Variants in AKAP5 observed in about 807,000 individuals in gnomAD.
The protein encoded by AKAP5 is A-kinase anchor protein 5.
Under a neutral mutation model 13.8 loss-of-function variants are expected in AKAP5, and 5 were observed. That is an observed-to-expected ratio of 0.36 (90% CI 0.19 to 0.76). AKAP5 has a LOEUF of 0.76. AKAP5 is among the 30% of genes least tolerant of loss of function. The pLI, the probability that AKAP5 is intolerant of heterozygous loss-of-function variation, is 0.51. For synonymous variants in AKAP5, 148 were observed against 167.2 expected, an observed-to-expected ratio of 0.89 and a Z score of 0.89; for missense variants, 406 against 484.4, an observed-to-expected ratio of 0.84 and a Z score of 1.52.
Position 64,468,308 on chromosome 14 carries a change from G to A in AKAP5, c.-87G>A, listed in dbSNP as rs1175632231. 2 of 1,279,076 alleles carry A rather than the reference G, an allele frequency of 1.6e-6. No homozygotes were observed. Among genetic ancestry groups the A allele is most frequent in the Non-Finnish European group, 1.1e-6 (1 of 940,302 alleles). 79.2% of individuals were successfully genotyped at this position (1,279,076 alleles called of 1,614,324 possible). On this transcript the variant is annotated 5_prime_UTR_variant, in exon 2 of 2. It adds an upstream start codon to the 5' untranslated region. Transcript: ENST00000394718. Reference sequence around the variant, plus strand: ...ATGCCTGGAAGAAATTTTACCTAGTGTGACATTTTTGCTCATCTTTTTGTC... The same window carrying A: ...ATGCCTGGAAGAAATTTTACCTAGTATGACATTTTTGCTCATCTTTTTGTC...
Position 64,469,071 on chromosome 14 carries a change from G to A in AKAP5, c.677G>A (p.Gly226Glu), listed in dbSNP as rs1439495909. 1.9e-6 allele frequency: 3 copies of A among 1,613,892 alleles called. No individual in the cohort carries two copies. In the African/African-American group the frequency reaches 4.0e-5, roughly 22 times the overall value. ...AATGGGCATTCTGCTATTCAAACGGGAACTCTAATCCTTGAAGAAATTGAA... is the reference window on the plus strand; with the variant it reads ...AATGGGCATTCTGCTATTCAAACGGAAACTCTAATCCTTGAAGAAATTGAA... ...LDNGHSAIQT[G>E]TLILEEIETI... Residue 226 changes from glycine to glutamate, a missense_variant, in exon 2 of 2, where the codon GGA becomes GAA. By Grantham distance (98) the Gly-to-Glu change is moderately conservative (BLOSUM62 -2). Transcript: ENST00000394718.
rs1282271331 is a variant in AKAP5, at chr14:64,473,756, T to A, written c.*4078T>A. ...TCTGATAATATAGCAGGATTTGATT[T>A]TTCTGCCTGCCATTTGTGCATTTAA... On this transcript the variant is annotated 3_prime_UTR_variant, in exon 2 of 2. Transcript: ENST00000394718. The A allele has an allele frequency of 6.0e-6, 1 of 167,028 alleles. No homozygotes were observed. The highest frequency in any genetic ancestry group is 1.9e-4 in the East Asian group (1 of 5,206). The allele number at this position is 167,028 out of a possible 1,614,324, so 10.3% of individuals were successfully genotyped here.
Position 64,468,812 on chromosome 14 carries a change from AATC to A in AKAP5, c.421_423del (p.His141del), listed in dbSNP as rs751048075. The A allele has an allele frequency of 1.2e-6, 2 of 1,614,224 alleles. No homozygotes were observed. Among genetic ancestry groups the A allele is most frequent in the Non-Finnish European group, 1.7e-6 (2 of 1,180,050 alleles). ...ATTCCCAAGAGGGCCAAAAAGGAGT[AATC>A]ATTCCAAAATTATAGAAGACTCAGA... On this transcript the variant is annotated inframe_deletion, in exon 2 of 2. Transcript: ENST00000394718.
intron 1 of AKAP5, chr14:64,467,419 G>A (rs971056457): frequency 2.0e-5 from 3 of 152,120 alleles, no homozygotes; most frequent in African/African-American, 7.2e-5. Flanking sequence ...TGCAGATTAT[G>A]GTGGAAACAT....
rs76493017 is a variant in AKAP5 at position 64,469,568 on chromosome 14, T to C, written c.1174T>C (p.Leu392=). ...AACTTCAGAACAATATGAAACACTCTTAATTGAAACAGCCTCTTCTCTAGT... is the reference window on the plus strand; with the variant it reads ...AACTTCAGAACAATATGAAACACTCCTAATTGAAACAGCCTCTTCTCTAGT... ...DRTSEQYETL[L]IETASSLVKN... is the part of the protein sequence containing the mutation. Residue 392 remains leucine, a synonymous_variant, in exon 2 of 2, where the codon TTA becomes CTA. Coordinates refer to ENST00000394718, the MANE Select transcript of AKAP5 (RefSeq NM_004857.3). The C allele has an allele frequency of 2.2e-3, 3,510 of 1,613,878 alleles. 79 individuals are homozygous for C. The African/African-American group carries it at 0.042, about 19-fold the overall frequency.
rs951572638 is a variant in AKAP5 at position 64,468,218 on chromosome 14, T to A, written c.-177T>A. The A allele has an allele frequency of 2.2e-6, 1 of 447,502 alleles. No homozygotes were observed. The highest frequency in any genetic ancestry group is 2.0e-5 in the African/African-American group (1 of 49,070). The allele number at this position is 447,502 out of a possible 1,614,324, so 27.7% of individuals were successfully genotyped here. ...GAGAAATTACAAGCCATAGAGAAAC[T>A]GGGCATTTCTATACTAGAGAAACCA... is the stretch of plus-strand genomic sequence containing the variant. On this transcript the variant is annotated 5_prime_UTR_variant, in exon 2 of 2. Transcript: ENST00000394718.
Position 64,469,035 on chromosome 14 carries a change from T to G in AKAP5, c.641T>G (p.Leu214Arg). The G allele has an allele frequency of 6.2e-7, 1 of 1,614,200 alleles. No individual in the cohort carries two copies. The highest frequency in any genetic ancestry group is 1.1e-5 in the South Asian group (1 of 91,090). The change falls in exon 2 of 2, where the codon CTT (leucine) becomes CGT (arginine). Residue 214 changes from leucine (L) to arginine (R), a missense_variant. By Grantham distance (102) the Leu-to-Arg change is moderately radical. Coordinates refer to ENST00000394718, the MANE Select transcript of AKAP5 (RefSeq NM_004857.3). ...TSGEKVISVE[L>R]GLDNGHSAIQ... Reference sequence around the variant, plus strand: ...GGAGAGAAAGTGATTTCAGTAGAACTTGGATTAGATAATGGGCATTCTGCT... The same window carrying G: ...GGAGAGAAAGTGATTTCAGTAGAACGTGGATTAGATAATGGGCATTCTGCT...
Position 64,469,281 on chromosome 14 carries a change from G to C in AKAP5, c.887G>C (p.Ser296Thr). The C allele has an allele frequency of 6.2e-7, 1 of 1,613,214 alleles. No homozygotes were observed. The highest frequency in any genetic ancestry group is 8.5e-7 in the Non-Finnish European group (1 of 1,179,914). ...ESAPNGKDYE[S>T]TEIVAEETKP... is the part of the protein sequence containing the mutation. ...GCACCAAATGGAAAAGACTATGAAA[G>C]TACAGAGATTGTAGCTGAAGAAACT... Residue 296 changes from serine (S) to threonine (T), a missense_variant, in exon 2 of 2, where the codon AGT (serine) becomes ACT (threonine). Physicochemically the swap from Ser to Thr is moderately conservative, Grantham distance 58. Transcript: ENST00000394718.
Position 64,468,481 on chromosome 14 carries a change from G to A in AKAP5, c.87G>A (p.Lys29=), listed in dbSNP as rs751490124. Residue 29 remains lysine (K), a synonymous_variant, in exon 2 of 2, where the codon AAG becomes AAA. Transcript: ENST00000394718. ...AEGSPGAERQ[K]EKASMLCFKR... ...GTAGTCCTGGGGCTGAAAGGCAGAA[G>A]GAAAAGGCATCCATGCTTTGCTTCA... is the stretch of plus-strand genomic sequence containing the variant. The A allele has an allele frequency of 6.2e-7, 1 of 1,614,110 alleles. No homozygotes were observed. The highest frequency in any genetic ancestry group is 8.5e-7 in the Non-Finnish European group (1 of 1,180,040).
rs1418626927 is a variant in AKAP5, at chr14:64,471,144, A to C, written c.*1466A>C. On this transcript the variant is annotated 3_prime_UTR_variant, in exon 2 of 2. Coordinates refer to ENST00000394718, the MANE Select transcript of AKAP5 (RefSeq NM_004857.3). Reference sequence around the variant, plus strand: ...ATTGAAAGTTAACTTTTTCATCACTATTTTCTTTTCTTTTTTTTTTTTTTT... The same window carrying C: ...ATTGAAAGTTAACTTTTTCATCACTCTTTTCTTTTCTTTTTTTTTTTTTTT... 1.3e-5 allele frequency: 2 copies of C among 155,710 alleles called. No homozygotes were observed. The highest frequency in any genetic ancestry group is 5.1e-5 in the African/African-American group (2 of 39,048). The allele number at this position is 155,710 out of a possible 1,614,324, so 9.6% of individuals were successfully genotyped here. A position where few individuals can be genotyped will look rare whatever the true frequency, so the allele number is the denominator to read the frequency against.
At position 64,469,696 on chromosome 14, in the gene AKAP5, C is replaced by T. The variant is rs371694690; in HGVS notation, c.*18C>T. 11 of 1,503,372 alleles carry T rather than the reference C, an allele frequency of 7.3e-6. No individual in the cohort carries two copies. The highest frequency in any genetic ancestry group is 1.4e-5 in the African/African-American group (1 of 70,682). 93.1% of individuals were successfully genotyped at this position (1,503,372 alleles called of 1,614,324 possible). The stretch of plus-strand genomic sequence containing the variant: ...TACAGTGACTTACTCTCCAGAGTCA[C>T]GGCAGAAAAAACAAGCTTAATGAAG... On this transcript the variant is annotated 3_prime_UTR_variant, in exon 2 of 2. Coordinates refer to ENST00000394718, the MANE Select transcript of AKAP5 (RefSeq NM_004857.3).
Position 64,468,497 on chromosome 14 carries a change from C to G in AKAP5, c.103C>G (p.Leu35Val). Reference protein sequence around the residue: ...AERQKEKASMLCFKRRKKAAK... With the variant: ...AERQKEKASMVCFKRRKKAAK... ...AAGGCAGAAGGAAAAGGCATCCATGCTTTGCTTCAAGAGAAGAAAGAAAGC... is the reference window on the plus strand; with the variant it reads ...AAGGCAGAAGGAAAAGGCATCCATGGTTTGCTTCAAGAGAAGAAAGAAAGC... The change falls in exon 2 of 2, where the codon CTT becomes GTT. Residue 35 changes from leucine to valine, a missense_variant. Coordinates refer to ENST00000394718, the MANE Select transcript of AKAP5 (RefSeq NM_004857.3). 2 of 1,614,062 alleles carry G rather than the reference C, an allele frequency of 1.2e-6. No homozygotes were observed. Among genetic ancestry groups the G allele is most frequent in the Non-Finnish European group, 1.7e-6 (2 of 1,180,028 alleles).
chr14:64,466,398 T>C (rs186187429), intron 1 of AKAP5, among the ~76,000 whole-genome samples: 1 of 152,346 alleles, frequency 6.6e-6, no homozygotes, highest in Admixed American at 6.5e-5. Flanking sequence ...GCAATCCAGG[T>C]TAGTTTCCAA....
chr14:64,468,910 G>A lies in AKAP5; in HGVS notation c.516G>A (p.Gln172=), dbSNP rs1047441047. 1 of 1,614,006 alleles carries A rather than the reference G, an allele frequency of 6.2e-7. No homozygotes were observed. Among genetic ancestry groups the A allele is most frequent in the African/African-American group, 1.3e-5 (1 of 74,922 alleles). The stretch of plus-strand genomic sequence containing the variant: ...AAACACAGACCCCATTGAATGATCA[G>A]GCAACAAAGGCTAAGTCAACCCAGG... ...DIQTQTPLND[Q]ATKAKSTQDL... The change falls in exon 2 of 2, where the codon CAG becomes CAA. Residue 172 remains glutamine, a synonymous_variant. Transcript: ENST00000394718.
chr14:64,466,597 G>A (rs1348444586), intron 1 of AKAP5, among the ~76,000 whole-genome samples: 2 of 152,128 alleles, frequency 1.3e-5, no homozygotes, highest in Non-Finnish European at 1.5e-5. Context: ...TTTTAGTTCC[G>A]TCATTGTTCT....
chr14:64,469,318 T>C lies in AKAP5; in HGVS notation c.924T>C (p.Asp308=), dbSNP rs1482869116. 2 of 1,613,404 alleles carry C rather than the reference T, an allele frequency of 1.2e-6. No individual in the cohort carries two copies. Among genetic ancestry groups the C allele is most frequent in the Non-Finnish European group, 1.7e-6 (2 of 1,179,934 alleles). Reference sequence around the variant, plus strand: ...TAGCTGAAGAAACTAAGCCAAAAGATACTGAATTGAGCCAAGAATCAGATT... The same window carrying C: ...TAGCTGAAGAAACTAAGCCAAAAGACACTGAATTGAGCCAAGAATCAGATT... The part of the protein sequence containing the change: ...EIVAEETKPK[D]TELSQESDFK... The change falls in exon 2 of 2, where the codon GAT becomes GAC. Residue 308 remains aspartate, a synonymous_variant. Transcript: ENST00000394718.
At position 64,468,419 on chromosome 14, in the gene AKAP5, C is replaced by T; in HGVS notation, c.25C>T (p.His9Tyr). METTISEI[H>Y]VENKDEKRSA... ...AATGGAAACCACAATTTCAGAAATT[C>T]ATGTAGAAAACAAGGATGAGAAGAG... is the stretch of plus-strand genomic sequence containing the variant. Residue 9 changes from histidine (H) to tyrosine (Y), a missense_variant, in exon 2 of 2, where the codon CAT becomes TAT. Physicochemically the swap from His to Tyr is moderately conservative, Grantham distance 83 (BLOSUM62 2). Transcript: ENST00000394718. 1.2e-6 allele frequency: 2 copies of T among 1,603,276 alleles called. No homozygotes were observed. Among genetic ancestry groups the T allele is most frequent in the African/African-American group, 1.3e-5 (1 of 74,094 alleles).
In AKAP5 at chr14:64,473,832, A is replaced by G. The variant is rs530694722; in HGVS notation, c.*4154A>G. On this transcript the variant is annotated 3_prime_UTR_variant, in exon 2 of 2. Coordinates refer to ENST00000394718, the MANE Select transcript of AKAP5 (RefSeq NM_004857.3). ...AGTTCTTTAGGTTCAAATTCCTATGATGTTTTATTGGGTAACATGAACTCT... is the reference window on the plus strand; with the variant it reads ...AGTTCTTTAGGTTCAAATTCCTATGGTGTTTTATTGGGTAACATGAACTCT... The G allele has an allele frequency of 2.4e-5, 4 of 167,064 alleles. No homozygotes were observed. Among genetic ancestry groups the G allele is most frequent in the African/African-American group, 9.6e-5 (4 of 41,592 alleles). 10.3% of individuals were successfully genotyped at this position (167,064 alleles called of 1,614,324 possible). A position where few individuals can be genotyped will look rare whatever the true frequency, so the allele number is the denominator to read the frequency against.
chr14:64,469,073 A>AC lies in AKAP5; in HGVS notation c.680dup (p.Leu228SerfsTer4). 1 of 1,613,904 alleles carries AC rather than the reference A, an allele frequency of 6.2e-7. No homozygotes were observed. Among genetic ancestry groups the AC allele is most frequent in the Non-Finnish European group, 8.5e-7 (1 of 1,179,962 alleles). On this transcript the variant is annotated frameshift_variant, in exon 2 of 2. Coordinates refer to ENST00000394718, the MANE Select transcript of AKAP5 (RefSeq NM_004857.3). LOFTEE classifies it high-confidence loss of function. ...TGGGCATTCTGCTATTCAAACGGGAACTCTAATCCTTGAAGAAATTGAAAC... is the reference window on the plus strand; with the variant it reads ...TGGGCATTCTGCTATTCAAACGGGAACCTCTAATCCTTGAAGAAATTGAAAC...
Sources: allele counts gnomAD v4.1 joint callset (sites outside exome capture counted in the v4.1 genomes callset), GRCh38; gene constraint gnomAD v4.1.1; transcripts MANE v1.5; gene names NCBI Gene and HGNC (gene_info 2026-07-23, HGNC 2026-07-21).